The following KIF24 variants were observed in gnomAD, a reference collection of about 807,000 sequenced individuals.
KIF24 encodes the protein kinesin family member 24, also known as kinesin-like protein KIF24.
Under a neutral mutation model 118.9 loss-of-function variants are expected in KIF24, and 81 were observed. The ratio of observed to expected loss-of-function variants is 0.68; its 90% CI spans 0.57 to 0.82. The LOEUF is 0.82. Among genes scored for constraint, KIF24 ranks in the 40% least tolerant of loss-of-function variants. KIF24 has a pLI of 0.00. For missense variants in KIF24, 1,560 were observed against 1,661.6 expected (o/e 0.94, Z 1.06); for synonymous variants, 599 against 610.0 (o/e 0.98, Z 0.27).
chr9:34,300,304 G>A (rs1209553575), intron 3 of KIF24, among the ~76,000 whole-genome samples: 1 of 151,868 alleles, frequency 6.6e-6, no homozygotes, highest in African/African-American at 2.4e-5. Context: ...CACATAGAGA[G>A]GTCATTAAAC....
intron 3 of KIF24, among the ~76,000 whole-genome samples, chr9:34,300,663 C>T (rs1188028292): frequency 6.6e-6 from 1 of 151,958 alleles, no homozygotes; most frequent in African/African-American, 2.4e-5. Flanking sequence ...CCACTGTGCC[C>T]AGCCTAAAAT....
chr9:34,257,430 T>C lies in KIF24; in HGVS notation c.2177A>G (p.Asn726Ser). ...ACTGTACTCAGCCCTGTGGTGGGCG[T>C]TGCCAAAGGAGAGCTCAACTCGAGA... ...LVSRVELSFG[N>S]AHHRAEYSQD... The change falls in exon 11 of 13, where the codon AAC becomes AGC. Residue 726 changes from asparagine to serine, a missense_variant. Physicochemically the swap from Asn to Ser is conservative, Grantham distance 46 (BLOSUM62 1). Around this residue, in one of 3 missense-constraint regions of KIF24, gnomAD observed 964 missense variants for 988.0 expected, o/e 0.98. Coordinates refer to ENST00000402558, the MANE Select transcript of KIF24 (RefSeq NM_194313.4). 2 of 1,614,054 alleles carry C rather than the reference T, an allele frequency of 1.2e-6. No individual in the cohort carries two copies. The highest frequency in any genetic ancestry group is 1.7e-6 in the Non-Finnish European group (2 of 1,179,902).
chr9:34,295,519 T>TA (rs1334975117), intron 4 of KIF24, among the ~76,000 whole-genome samples: 1 of 151,778 alleles, frequency 6.6e-6, no homozygotes, highest in African/African-American at 2.4e-5. Context: ...TCTAAAAAAA[T>TA]ACAGAAATAT....
At chr9:34,306,718 C>A (rs1190710357) in intron 2 of KIF24, among the ~76,000 whole-genome samples, 2 of 151,816 alleles carry the variant, frequency 1.3e-5, no homozygotes, top group Admixed American at 1.3e-4. Flanking sequence ...AGGAGAATGG[C>A]GTGAACCCGG....
Position 34,323,570 on chromosome 9 carries a change from T to C in KIF24, c.-26+5536A>G, listed in dbSNP as rs548589317. Among the ~76,000 whole-genome samples, 10 of 152,358 alleles carry C rather than the reference T, an allele frequency of 6.6e-5. No individual in the cohort carries two copies. In the South Asian group the frequency reaches 1.9e-3, roughly 28 times the overall value. On this transcript the variant is annotated intron_variant, in intron 1 of 12. Coordinates refer to ENST00000402558, the MANE Select transcript of KIF24 (RefSeq NM_194313.4). ...TCTGACAGACTGCAGGACGTTGTCA[T>C]TTGCAGATTTTGCCACACTGCAGTC...
At chr9:34,319,326 G>T in intron 1 of KIF24, 1 of 903,120 alleles carries the variant, frequency 1.1e-6, no homozygotes, top group Non-Finnish European at 1.9e-6. Context: ...TGCCCAAGCG[G>T]GTGGTGGAAG....
chr9:34,281,741 G>A (rs568035592), intron 6 of KIF24, among the ~76,000 whole-genome samples: 1 of 152,248 alleles, frequency 6.6e-6, no homozygotes, highest in Admixed American at 6.5e-5. Context: ...TCTTAAGCTT[G>A]GTTGAAGACT....
At chr9:34,332,657 T>C (rs1226591089), upstream of KIF24, among the ~76,000 whole-genome samples, 1 of 152,208 alleles carries the variant, frequency 6.6e-6, no homozygotes, top group African/African-American at 2.4e-5. Flanking sequence ...CCAATATTTA[T>C]GCCATTACAG....
chr9:34,262,371 C>T (rs1009627478), intron 9 of KIF24, among the ~76,000 whole-genome samples: 2 of 152,024 alleles, frequency 1.3e-5, no homozygotes, highest in African/African-American at 4.8e-5. Context: ...GGCTGAGTAT[C>T]CCTTCTCCGA....
intron 1 of KIF24, among the ~76,000 whole-genome samples, chr9:34,311,853 T>C (rs1226850335): frequency 2.6e-5 from 4 of 151,760 alleles, no homozygotes; most frequent in Non-Finnish European, 2.9e-5. Context: ...AACTTACTTA[T>C]TTCTAGGGAG....
At chr9:34,264,057 G>A (rs1003696098) in intron 8 of KIF24, among the ~76,000 whole-genome samples, 1 of 152,036 alleles carries the variant, frequency 6.6e-6, no homozygotes, top group Non-Finnish European at 1.5e-5. Flanking sequence ...GGTGGGGGTC[G>A]TGGGGGGCAA....
At chr9:34,255,244 T>C in intron 11 of KIF24, 79 bp from the exon 12 acceptor site, 1 of 888,996 alleles carries the variant, frequency 1.1e-6, no homozygotes, top group Non-Finnish European at 1.8e-6. Context: ...GTGATCTCAT[T>C]TGTAAGCTGA....
At chr9:34,321,175 G>T (rs560461654) in intron 1 of KIF24, among the ~76,000 whole-genome samples, 4 of 152,112 alleles carry the variant, frequency 2.6e-5, no homozygotes, top group African/African-American at 9.7e-5. Context: ...ATTGAACAGG[G>T]AGCAAAATAC....
rs1420342547 is a variant in KIF24 at position 34,329,208 on chromosome 9, G to C, written c.-128C>G. On this transcript the variant is annotated 5_prime_UTR_variant, in exon 1 of 13. Transcript: ENST00000402558. ...CAACCTAACAGTCCCGTCAACCCGGGAGCCACCGGCGGCGGCCAGGCCGCA... is the reference window on the plus strand; with the variant it reads ...CAACCTAACAGTCCCGTCAACCCGGCAGCCACCGGCGGCGGCCAGGCCGCA... Among the ~76,000 whole-genome samples, 2 of 152,228 alleles carry C rather than the reference G, an allele frequency of 1.3e-5. No homozygotes were observed. The highest frequency in any genetic ancestry group is 4.8e-5 in the African/African-American group (2 of 41,458).
At chr9:34,275,135 T>G (rs998329386) in intron 6 of KIF24, among the ~76,000 whole-genome samples, 48 of 152,226 alleles carry the variant, frequency 3.2e-4, no homozygotes, top group African/African-American at 1.0e-3. Context: ...GGCTTACACC[T>G]GTAATCCCAG....
At chr9:34,330,200 G>C (rs567268902), upstream of KIF24, among the ~76,000 whole-genome samples, 1 of 152,278 alleles carries the variant, frequency 6.6e-6, no homozygotes, top group Non-Finnish European at 1.5e-5. Flanking sequence ...TCAGGAGATC[G>C]AGACCATCCT....
chr9:34,265,316 G>A (rs927839789), intron 8 of KIF24, among the ~76,000 whole-genome samples: 7 of 151,888 alleles, frequency 4.6e-5, no homozygotes, highest in Admixed American at 6.6e-5. Context: ...TTACAGGTGC[G>A]CACCACCACA....
intron 1 of KIF24, among the ~76,000 whole-genome samples, chr9:34,313,213 T>C (rs1259727049): frequency 1.3e-5 from 2 of 152,100 alleles, no homozygotes; most frequent in African/African-American, 2.4e-5. Flanking sequence ...AAGCCAGACA[T>C]GTGAAAGAAG....
intron 1 of KIF24, among the ~76,000 whole-genome samples, chr9:34,314,704 C>T (rs558739018): frequency 6.6e-6 from 1 of 152,144 alleles, no homozygotes; most frequent in Non-Finnish European, 1.5e-5. Flanking sequence ...TCAGATAATA[C>T]GTACAAGTAC....
Sources: allele counts gnomAD v4.1 joint callset (sites outside exome capture counted in the v4.1 genomes callset), GRCh38; gene constraint gnomAD v4.1.1; regional missense constraint gnomAD v4.1.1; transcripts MANE v1.5; gene names NCBI Gene and HGNC (gene_info 2026-07-23, HGNC 2026-07-21).